The following GDA variants were observed in gnomAD, a reference collection of about 807,000 sequenced individuals.
GDA encodes guanine deaminase.
Under a neutral mutation model 59.6 loss-of-function variants are expected in GDA, and 18 were observed. The observed-to-expected ratio is 0.30, with a 90% CI of 0.21 to 0.45. The LOEUF is 0.45. Ranked by LOEUF, GDA falls within the 20% of genes least tolerant of loss-of-function variation. The pLI is 1.00. For synonymous variants in GDA, 201 were observed against 201.1 expected (o/e 1.00, Z 0.00); for missense variants, 427 against 552.3 (o/e 0.77, Z 2.27).
At chr9:72,142,426 A>G (rs949199765) in intron 1 of GDA, among the ~76,000 whole-genome samples, 3 of 151,916 alleles carry the variant, frequency 2.0e-5, no homozygotes, top group African/African-American at 7.3e-5. Context: ...CCATCCTGTT[A>G]GCCAGGTGTG....
chr9:72,123,442 C>G, intron 1 of GDA, among the ~76,000 whole-genome samples: 1 of 148,216 alleles, frequency 6.7e-6, no homozygotes, highest in Admixed American at 6.8e-5. Context: ...CTTGGCCTCT[C>G]AAAGTGCTGG....
chr9:72,173,910 AT>A (rs1360247225), intron 1 of GDA, among the ~76,000 whole-genome samples: 2 of 152,140 alleles, frequency 1.3e-5, no homozygotes, highest in East Asian at 3.9e-4. Flanking sequence ...CCCATGGGGT[AT>A]TTCTTTTTCT....
intron 3 of GDA, among the ~76,000 whole-genome samples, chr9:72,204,233 A>C (rs751890642): frequency 6.6e-6 from 1 of 152,250 alleles, no homozygotes; most frequent in Non-Finnish European, 1.5e-5. Context: ...GACTAAAGCT[A>C]TGTATAAAGT....
chr9:72,149,692 C>A lies in GDA; in HGVS notation c.123+10C>A. 1.3e-6 allele frequency: 2 copies of A among 1,593,760 alleles called. No homozygotes were observed. Among genetic ancestry groups the A allele is most frequent in the Middle Eastern group, 3.3e-4 (2 of 5,984 alleles). Reference sequence around the variant, plus strand: ...GAGCGACAGCGGCAAAGTAAGCAGGCGCGGGGTCGAGCGCACTCCGACGGG... The same window carrying A: ...GAGCGACAGCGGCAAAGTAAGCAGGAGCGGGGTCGAGCGCACTCCGACGGG... On this transcript the variant is annotated intron_variant, in intron 1 of 13. Coordinates refer to ENST00000358399, the MANE Select transcript of GDA (RefSeq NM_004293.5).
intron 1 of GDA, among the ~76,000 whole-genome samples, chr9:72,172,089 G>A (rs984461987): frequency 6.6e-6 from 1 of 152,092 alleles, no homozygotes; most frequent in Admixed American, 6.6e-5. Flanking sequence ...GAAATTCAAA[G>A]TGTACAAAAG....
chr9:72,249,504 A>G lies in GDA; in HGVS notation c.*1162A>G. 1 of 618,678 alleles carries G rather than the reference A, an allele frequency of 1.6e-6. No individual in the cohort carries two copies. The highest frequency in any genetic ancestry group is 1.4e-4 in the East Asian group (1 of 7,134). The allele number at this position is 618,678 out of a possible 1,614,324, so 38.3% of individuals were successfully genotyped here. On this transcript the variant is annotated 3_prime_UTR_variant, in exon 14 of 14. Coordinates refer to ENST00000358399, the MANE Select transcript of GDA (RefSeq NM_004293.5). Reference sequence around the variant, plus strand: ...ATATTAAAATTTTAGGATAATGAAGAGTACATAATGTCCTACTTAATATTT... The same window carrying G: ...ATATTAAAATTTTAGGATAATGAAGGGTACATAATGTCCTACTTAATATTT...
chr9:72,190,424 G>A (rs958161235), intron 1 of GDA, among the ~76,000 whole-genome samples: 4 of 152,126 alleles, frequency 2.6e-5, no homozygotes, highest in Non-Finnish European at 2.9e-5. Flanking sequence ...ACTTCACCCC[G>A]CCATGTTTTC....
chr9:72,178,413 A>ATTTTT (rs145032320), intron 1 of GDA, among the ~76,000 whole-genome samples: 30 of 117,158 alleles, frequency 2.6e-4, no homozygotes, highest in African/African-American at 8.6e-4. Flanking sequence ...TGGAATCGAT[A>ATTTTT]TTTTTTTTTT....
intron 8 of GDA, 107 bp from the exon 9 acceptor site, chr9:72,227,836 T>C: frequency 4.6e-6 from 3 of 658,134 alleles, no homozygotes; most frequent in African/African-American, 1.8e-5. Flanking sequence ...GTGAAGATGC[T>C]AACAGCCAAG....
At chr9:72,191,655 G>A (rs1187377700) in intron 1 of GDA, among the ~76,000 whole-genome samples, 5 of 152,046 alleles carry the variant, frequency 3.3e-5, no homozygotes, top group South Asian at 4.2e-4. Context: ...GCGCAATCTC[G>A]GCTCACTGCA....
chr9:72,150,429 A>T (rs1827065665), intron 1 of GDA, among the ~76,000 whole-genome samples: 1 of 152,118 alleles, frequency 6.6e-6, no homozygotes, highest in South Asian at 2.1e-4. Flanking sequence ...TGTATCTTTT[A>T]CACTTCCTTT....
At chr9:72,217,099 C>T (rs1587688481) in intron 5 of GDA, among the ~76,000 whole-genome samples, 1 of 152,122 alleles carries the variant, frequency 6.6e-6, no homozygotes, top group Non-Finnish European at 1.5e-5. Context: ...GATTTGTGCA[C>T]TTAAATCAGG....
intron 12 of GDA, among the ~76,000 whole-genome samples, chr9:72,245,819 A>C (rs1020159940): frequency 1.3e-5 from 2 of 152,036 alleles, no homozygotes; most frequent in African/African-American, 4.8e-5. Context: ...TTATAAGAAA[A>C]TGAACTTTGT....
chr9:72,256,447 G>T (rs2131910279), downstream of GDA, among the ~76,000 whole-genome samples: 1 of 152,320 alleles, frequency 6.6e-6, no homozygotes, highest in East Asian at 1.9e-4. Flanking sequence ...AGAGCTAAGG[G>T]TGTTTAAGGG....
chr9:72,218,060 C>T (rs2131528002), intron 5 of GDA, among the ~76,000 whole-genome samples: 1 of 152,030 alleles, frequency 6.6e-6, no homozygotes, highest in Middle Eastern at 3.4e-3. Context: ...ATTACAGGCC[C>T]CTGCCACCAT....
At chr9:72,164,858 C>T (rs542152860) in intron 1 of GDA, among the ~76,000 whole-genome samples, 4 of 151,818 alleles carry the variant, frequency 2.6e-5, no homozygotes, top group East Asian at 1.9e-4. Flanking sequence ...GGCGTGGTGG[C>T]GGGCGCCTGT....
At chr9:72,210,070 C>G (rs1339325518) in intron 3 of GDA, among the ~76,000 whole-genome samples, 1 of 152,144 alleles carries the variant, frequency 6.6e-6, no homozygotes, top group Non-Finnish European at 1.5e-5. Context: ...TTAATCATAC[C>G]TGCATAGACT....
At chr9:72,181,650 T>C (rs1428632844) in intron 1 of GDA, among the ~76,000 whole-genome samples, 1 of 152,018 alleles carries the variant, frequency 6.6e-6, no homozygotes, top group East Asian at 1.9e-4. Context: ...ACTTTCTTTT[T>C]TTTCTTTTAG....
chr9:72,149,776 G>A, intron 1 of GDA, 94 bp downstream of exon 1: 1 of 1,303,368 alleles, frequency 7.7e-7, no homozygotes, highest in Non-Finnish European at 1.0e-6. Context: ...GGTTCGCTCG[G>A]TGCGCAGTGA....
Sources: allele counts gnomAD v4.1 joint callset (sites outside exome capture counted in the v4.1 genomes callset), GRCh38; gene constraint gnomAD v4.1.1; transcripts MANE v1.5; gene names NCBI Gene and HGNC (gene_info 2026-07-23, HGNC 2026-07-21).